METTL15: variants seen among roughly 807,000 people sequenced by gnomAD.
METTL15 encodes the protein 12S rRNA N(4)-cytidine methyltransferase METTL15.
In METTL15, 34 loss-of-function variants were observed where a neutral mutation model predicts 38.3. The ratio of observed to expected loss-of-function variants is 0.89; its 90% CI spans 0.68 to 1.18. The LOEUF (loss-of-function observed/expected upper bound fraction) is 1.18, where lower values mean the gene tolerates loss of function less well. Ranked by LOEUF, METTL15 falls within the 50% of genes most tolerant of loss-of-function variation. METTL15 has a pLI of 0.00. For missense variants in METTL15, 438 were observed against 498.4 expected (o/e 0.88, Z 1.15); for synonymous variants, 162 against 170.9 (o/e 0.95, Z 0.41).
intron 5 of METTL15, among the ~76,000 whole-genome samples, chr11:28,395,548 A>G (rs113604666): frequency 4.6e-5 from 7 of 152,294 alleles, no homozygotes; most frequent in African/African-American, 1.4e-4. Flanking sequence ...TCCCAAGACT[A>G]AACCAGGAAG....
chr11:28,191,935 A>T (rs1851714367), intron 3 of METTL15, among the ~76,000 whole-genome samples: 1 of 151,750 alleles, frequency 6.6e-6, no homozygotes, highest in Non-Finnish European at 1.5e-5. Flanking sequence ...ATTATTTTTC[A>T]TCAGCCTGTT....
rs1278464936 is a variant in METTL15 at position 28,211,071 on chromosome 11, G to T, written c.280G>T (p.Asp94Tyr). 6.2e-7 allele frequency: 1 copy of T among 1,606,472 alleles called. No homozygotes were observed. Among genetic ancestry groups the T allele is most frequent in the African/African-American group, 1.3e-5 (1 of 74,506 alleles). Reference sequence around the variant, plus strand: ...TTTCTGTGTTTGCTAGATTTTTCTAGATATGACATTTGGTTCGGGAGGGCA... The same window carrying T: ...TTTCTGTGTTTGCTAGATTTTTCTATATATGACATTTGGTTCGGGAGGGCA... ...LSPQKGQIFL[D>Y]MTFGSGGHTK... is the part of the protein sequence containing the mutation. Residue 94 changes from aspartate to tyrosine, a missense_variant, in exon 4 of 7, where the codon GAT (aspartate) becomes TAT (tyrosine). Transcript: ENST00000407364.
chr11:28,193,509 A>G (rs1349976444), intron 3 of METTL15, among the ~76,000 whole-genome samples: 1 of 152,134 alleles, frequency 6.6e-6, no homozygotes, highest in East Asian at 1.9e-4. Flanking sequence ...AACCACTCCC[A>G]TAATCCAATT....
At chr11:28,275,276 C>T (rs947231836) in intron 4 of METTL15, among the ~76,000 whole-genome samples, 2 of 151,584 alleles carry the variant, frequency 1.3e-5, no homozygotes, top group African/African-American at 2.4e-5. Context: ...AAAAAGGAGA[C>T]ATTACAGCTT....
At chr11:28,506,873 T>C (rs1317507553) in intron 6 of METTL15, among the ~76,000 whole-genome samples, 1 of 151,494 alleles carries the variant, frequency 6.6e-6, no homozygotes, top group Non-Finnish European at 1.5e-5. Flanking sequence ...GCCTCTCAAG[T>C]AGTTGAGACT....
At chr11:28,221,027 C>A (rs1455365875) in intron 4 of METTL15, among the ~76,000 whole-genome samples, 1 of 152,108 alleles carries the variant, frequency 6.6e-6, no homozygotes, top group South Asian at 2.1e-4. Context: ...GTGAATCTGA[C>A]AGTTATGTGT....
intron 6 of METTL15, among the ~76,000 whole-genome samples, chr11:28,307,510 G>A (rs955904979): frequency 1.3e-5 from 2 of 151,942 alleles, no homozygotes; most frequent in Non-Finnish European, 2.9e-5. Flanking sequence ...ATAGGCACTT[G>A]CTATTAGGTA....
chr11:28,453,017 A>G (rs931838358), intron 6 of METTL15, among the ~76,000 whole-genome samples: 1 of 152,194 alleles, frequency 6.6e-6, no homozygotes, highest in African/African-American at 2.4e-5. Flanking sequence ...GCCATTTTCC[A>G]TCTGGCCAAC....
chr11:28,253,515 CA>C (rs1854834767), intron 4 of METTL15, among the ~76,000 whole-genome samples: 1 of 152,042 alleles, frequency 6.6e-6, no homozygotes, highest in African/African-American at 2.4e-5. Flanking sequence ...TGACTATAGT[CA>C]CCCTATTTTA....
chr11:28,149,816 C>G (rs938176755), intron 3 of METTL15, among the ~76,000 whole-genome samples: 8 of 151,876 alleles, frequency 5.3e-5, no homozygotes, highest in Middle Eastern at 6.8e-3. Context: ...CAAAACAGTA[C>G]TTAAATTTTA....
In METTL15 at chr11:28,116,495, G is replaced by A. The variant is rs527335922; in HGVS notation, c.270+2891G>A. Among the ~76,000 whole-genome samples, 9 of 152,266 alleles carry A rather than the reference G, an allele frequency of 5.9e-5. No individual in the cohort carries two copies. In the South Asian group the frequency reaches 1.9e-3, roughly 32 times the overall value. On this transcript the variant is annotated intron_variant, in intron 3 of 6. Coordinates refer to ENST00000407364, the MANE Select transcript of METTL15 (RefSeq NM_001113528.2). ...AAAGATTCTGGAACTGGACTGCCTA[G>A]GTTCTAAGCTCTTGTCTAGGAAACA...
chr11:28,455,007 G>A (rs2133450553), intron 6 of METTL15, among the ~76,000 whole-genome samples: 1 of 152,208 alleles, frequency 6.6e-6, no homozygotes, highest in Non-Finnish European at 1.5e-5. Context: ...TTAAGAGACA[G>A]AAGAGGTGGT....
intron 6 of METTL15, among the ~76,000 whole-genome samples, chr11:28,430,614 C>A (rs754627884): frequency 1.0e-4 from 3 of 28,698 alleles, no homozygotes; most frequent in Non-Finnish European, 1.8e-4. Flanking sequence ...GTCAGCCCTC[C>A]GCCCGGCCAG....
chr11:28,304,315 T>C (rs1857007180), intron 6 of METTL15, among the ~76,000 whole-genome samples: 1 of 152,182 alleles, frequency 6.6e-6, no homozygotes, highest in Non-Finnish European at 1.5e-5. Context: ...GGTATATCTT[T>C]CCACAGTGGC....
intron 5 of METTL15, among the ~76,000 whole-genome samples, chr11:28,421,476 C>G (rs933108611): frequency 3.3e-5 from 5 of 151,970 alleles, no homozygotes; most frequent in African/African-American, 9.7e-5. Context: ...TACAAGCAAA[C>G]TGAATTCAGC....
At chr11:28,368,143 C>CAAAAAAAAAAAAAA (rs1421370868) in intron 5 of METTL15, among the ~76,000 whole-genome samples, 2 of 87,070 alleles carry the variant, frequency 2.3e-5, no homozygotes, top group African/African-American at 9.0e-5. Context: ...AAAAAAAAAA[C>CAAAAAAAAAAAAAA]AAAAAAAACA....
rs751246917 is a variant in METTL15 at position 28,383,637 on chromosome 11, G to T, written c.*358+21601G>T. 5.3e-5 allele frequency among the ~76,000 whole-genome samples: 8 copies of T among 152,024 alleles called. No homozygotes were observed. In the South Asian group the frequency reaches 1.2e-3, roughly 24 times the overall value. On this transcript the variant is annotated intron_variant and NMD_transcript_variant, in intron 5 of 7. Coordinates refer to the METTL15 transcript ENST00000532947. ...AATCTCACCAGCATCTGTTATTTTT[G>T]ACTTTTTAATAGTAGCCATTCTGAC...
chr11:28,285,861 A>G (rs1180508990), intron 4 of METTL15, among the ~76,000 whole-genome samples: 3 of 152,110 alleles, frequency 2.0e-5, no homozygotes, highest in African/African-American at 7.2e-5. Context: ...CCCTGACCCC[A>G]GGAAGTATCT....
chr11:28,202,939 G>A (rs138417597), intron 3 of METTL15, among the ~76,000 whole-genome samples: 1 of 151,644 alleles, frequency 6.6e-6, no homozygotes, highest in Non-Finnish European at 1.5e-5. Context: ...CGACAGTGTT[G>A]TTACAGTGTG....
Sources: allele counts gnomAD v4.1 joint callset (sites outside exome capture counted in the v4.1 genomes callset), GRCh38; gene constraint gnomAD v4.1.1; transcripts MANE v1.5; gene names NCBI Gene and HGNC (gene_info 2026-07-23, HGNC 2026-07-21).